The following IRAK2 variants were observed in gnomAD, a reference collection of about 807,000 sequenced individuals.
IRAK2 encodes the protein interleukin-1 receptor-associated kinase-like 2.
In IRAK2, 57 loss-of-function variants were observed where a neutral mutation model predicts 72.0. The observed-to-expected ratio is 0.79, with a 90% CI of 0.64 to 0.99. IRAK2 has a LOEUF of 0.99. IRAK2 is among the 50% of genes least tolerant of loss of function. The pLI is 0.00. For missense variants in IRAK2, 790 were observed against 794.4 expected, an observed-to-expected ratio of 0.99 and a Z score of 0.07; for synonymous variants, 293 against 312.7, an observed-to-expected ratio of 0.94 and a Z score of 0.67.
At position 10,237,291 on chromosome 3, in the gene IRAK2, G is replaced by A. The variant is rs374295006; in HGVS notation, c.1474-1457G>A. Among the ~76,000 whole-genome samples the A allele has an allele frequency of 2.6e-4, 40 of 152,216 alleles. No individual in the cohort carries two copies. The East Asian group carries it at 3.3e-3, about 12-fold the overall frequency. ...AAATAAAGGGGATAGGGCACTTTAG[G>A]TGTAAGAAGAGGTAGGAGATGGCCT... On this transcript the variant is annotated intron_variant, in intron 11 of 12. Coordinates refer to ENST00000256458, the MANE Select transcript of IRAK2 (RefSeq NM_001570.4).
chr3:10,176,768 C>T (rs750741091), intron 1 of IRAK2, among the ~76,000 whole-genome samples: 5 of 149,994 alleles, frequency 3.3e-5, no homozygotes, highest in African/African-American at 4.9e-5. Flanking sequence ...TAAGCCACTG[C>T]GCCTGGCCTA....
intron 1 of IRAK2, 106 bp downstream of exon 1, chr3:10,165,154 C>A (rs1696659945): frequency 2.1e-6 from 2 of 969,086 alleles, no homozygotes; most frequent in Non-Finnish European, 3.1e-6. Context: ...TCAGCGGGTC[C>A]CGATCCGAGG....
chr3:10,166,829 A>G (rs1462269815), intron 1 of IRAK2, among the ~76,000 whole-genome samples: 1 of 152,154 alleles, frequency 6.6e-6, no homozygotes, highest in Non-Finnish European at 1.5e-5. Context: ...TTTTTAGTAG[A>G]GATGGGGTTT....
chr3:10,191,570 A>G (rs1697176853), intron 2 of IRAK2, among the ~76,000 whole-genome samples: 1 of 152,128 alleles, frequency 6.6e-6, no homozygotes, highest in Non-Finnish European at 1.5e-5. Context: ...TTGCGGGGAT[A>G]TGCCAAGTGT....
Position 10,243,466 on chromosome 3 carries a change from G to A in IRAK2, c.*1238G>A, listed in dbSNP as rs1698092334. 1 of 152,616 alleles carries A rather than the reference G, an allele frequency of 6.6e-6. No individual in the cohort carries two copies. Among genetic ancestry groups the A allele is most frequent in the Non-Finnish European group, 1.5e-5 (1 of 68,032 alleles). 9.5% of individuals were successfully genotyped at this position (152,616 alleles called of 1,614,324 possible). On this transcript the variant is annotated 3_prime_UTR_variant, in exon 13 of 13. Transcript: ENST00000256458. Reference sequence around the variant, plus strand: ...TTTCTTTGTAAGTAAAATAACACCTGCTTGTTCTTCATCCCTGGGCTGTTG... The same window carrying A: ...TTTCTTTGTAAGTAAAATAACACCTACTTGTTCTTCATCCCTGGGCTGTTG...
In IRAK2 at chr3:10,222,626, A is replaced by G; in HGVS notation, c.1014-10A>G. 1 of 1,611,356 alleles carries G rather than the reference A, an allele frequency of 6.2e-7. No individual in the cohort carries two copies. The highest frequency in any genetic ancestry group is 2.2e-5 in the East Asian group (1 of 44,828). ...AAATGAGAAGGTTCCCTCTCCTTTC[A>G]TTTCCACAGCTCTAATGTCTTGCTG... On this transcript the variant is annotated splice_polypyrimidine_tract_variant and intron_variant, in intron 8 of 12. Coordinates refer to ENST00000256458, the MANE Select transcript of IRAK2 (RefSeq NM_001570.4).
At chr3:10,191,961 A>C (rs1302482517) in intron 2 of IRAK2, among the ~76,000 whole-genome samples, 2 of 152,096 alleles carry the variant, frequency 1.3e-5, no homozygotes, top group South Asian at 2.1e-4. Context: ...CAGGGATCGC[A>C]CAATTAGGAA....
At chr3:10,200,631 GC>G in intron 3 of IRAK2, 116 bp downstream of exon 3, 1 of 838,616 alleles carries the variant, frequency 1.2e-6, no homozygotes, top group Non-Finnish European at 1.7e-6. Context: ...GAGCATGGTG[GC>G]CCATGCCTAT....
Position 10,217,066 on chromosome 3 carries a change from G to A in IRAK2, c.903+18G>A. On this transcript the variant is annotated intron_variant, in intron 7 of 12. Coordinates refer to ENST00000256458, the MANE Select transcript of IRAK2 (RefSeq NM_001570.4). ...AGGGTCAGGTAAGGGACTGGGTCAT[G>A]GTCAGAGAATGGGACCAGGCTGCAC... The A allele has an allele frequency of 6.3e-7, 1 of 1,576,520 alleles. No individual in the cohort carries two copies. Among genetic ancestry groups the A allele is most frequent in the East Asian group, 2.2e-5 (1 of 44,652 alleles).
At chr3:10,234,702 G>A (rs1359899256) in intron 11 of IRAK2, 43 bp downstream of exon 11, 7 of 1,556,058 alleles carry the variant, frequency 4.5e-6, no homozygotes, top group Non-Finnish European at 4.4e-6. Flanking sequence ...GGCCACGCGT[G>A]GGTCCACCTC....
chr3:10,172,837 CAAAAAAAAAAA>C (rs533137515), intron 1 of IRAK2, among the ~76,000 whole-genome samples: 62 of 53,998 alleles, frequency 1.1e-3, no homozygotes, highest in African/African-American at 5.0e-3. Context: ...GACTCTGTCT[CAAAAAAAAAAA>C]AAAAAAAAAA....
intron 3 of IRAK2, among the ~76,000 whole-genome samples, chr3:10,202,081 C>G (rs1455474394): frequency 1.3e-5 from 2 of 152,194 alleles, no homozygotes; most frequent in African/African-American, 4.8e-5. Context: ...ACATTCCAGA[C>G]ACTCCAGATA....
At chr3:10,218,451 A>G (rs1697640047) in intron 7 of IRAK2, among the ~76,000 whole-genome samples, 1 of 151,262 alleles carries the variant, frequency 6.6e-6, no homozygotes, top group Admixed American at 6.6e-5. Context: ...AAAAACCAAA[A>G]CGGTGATGAT....
chr3:10,208,179 C>CTTT (rs1697460847), intron 3 of IRAK2, among the ~76,000 whole-genome samples: 7 of 151,678 alleles, frequency 4.6e-5, no homozygotes, highest in African/African-American at 1.7e-4. Flanking sequence ...GGCCAAAGGC[C>CTTT]AAGGCCCTTG....
chr3:10,181,970 C>CTTTTT (rs376518112), intron 2 of IRAK2, among the ~76,000 whole-genome samples: 1 of 131,822 alleles, frequency 7.6e-6, no homozygotes, highest in African/African-American at 2.8e-5. Context: ...TTTTTCTTTT[C>CTTTTT]TTTTTTTTTT....
chr3:10,213,404 G>A lies in IRAK2; in HGVS notation c.723+3G>A, dbSNP rs376823751. 41 of 1,613,814 alleles carry A rather than the reference G, an allele frequency of 2.5e-5. No homozygotes were observed. Among genetic ancestry groups the A allele is most frequent in the Non-Finnish European group, 3.4e-5 (40 of 1,179,896 alleles). On this transcript the variant is annotated splice_donor_region_variant and intron_variant, in intron 5 of 12. Transcript: ENST00000256458. ...TCGTCTTCAAGAAGCTCAGAGAGGTGAGCACTTCTTGGTTTCTAGTGGGGG... is the reference window on the plus strand; with the variant it reads ...TCGTCTTCAAGAAGCTCAGAGAGGTAAGCACTTCTTGGTTTCTAGTGGGGG...
intron 10 of IRAK2, among the ~76,000 whole-genome samples, chr3:10,232,433 G>A (rs1000983480): frequency 1.3e-5 from 2 of 152,176 alleles, no homozygotes; most frequent in African/African-American, 4.8e-5. Context: ...GGCGTAGCCT[G>A]TTGTCCTACT....
At position 10,239,050 on chromosome 3, in the gene IRAK2, A is replaced by C; in HGVS notation, c.1765+11A>C. Reference sequence around the variant, plus strand: ...AGCCTCCCCAGGATGGTAAGCCGGAAGTCAGAGTGCATTTGGATGCTCATG... The same window carrying C: ...AGCCTCCCCAGGATGGTAAGCCGGACGTCAGAGTGCATTTGGATGCTCATG... On this transcript the variant is annotated intron_variant, in intron 12 of 12. Coordinates refer to ENST00000256458, the MANE Select transcript of IRAK2 (RefSeq NM_001570.4). 6.4e-7 allele frequency: 1 copy of C among 1,573,078 alleles called. No homozygotes were observed. The highest frequency in any genetic ancestry group is 8.6e-7 in the Non-Finnish European group (1 of 1,161,576).
intron 1 of IRAK2, among the ~76,000 whole-genome samples, chr3:10,172,624 G>A (rs1183407533): frequency 2.0e-5 from 3 of 149,294 alleles, no homozygotes; most frequent in Admixed American, 6.7e-5. Context: ...TGGATCACGA[G>A]GTCAGGAGTT....
Sources: gnomAD v4.1 joint callset for allele counts (sites outside exome capture counted in the v4.1 genomes callset) on GRCh38, gnomAD v4.1.1 for gene constraint, MANE v1.5 for transcripts, NCBI Gene and HGNC (gene_info 2026-07-23, HGNC 2026-07-21) for gene names.